The following IGSF11 variants were observed in gnomAD, a reference collection of about 807,000 sequenced individuals.
IGSF11 encodes the protein CXADR like 1.
A neutral mutation model predicts 41.0 loss-of-function variants in IGSF11; 22 were observed. That is an observed-to-expected ratio of 0.54 (90% confidence interval 0.38 to 0.77). The LOEUF is 0.77. Ranked by LOEUF, IGSF11 falls within the 30% of genes least tolerant of loss-of-function variation. IGSF11 has a pLI of 0.00. For missense variants in IGSF11, 444 were observed against 530.8 expected, an observed-to-expected ratio of 0.84 and a Z score of 1.61; for synonymous variants, 219 against 201.3, an observed-to-expected ratio of 1.09 and a Z score of -0.74.
Position 119,058,631 on chromosome 3 carries a change from C to T in IGSF11, c.49+46513G>A, listed in dbSNP as rs537994318. Among the ~76,000 whole-genome samples the T allele has an allele frequency of 9.2e-5, 14 of 151,828 alleles. No individual in the cohort carries two copies. The East Asian group carries it at 2.7e-3, about 29-fold the overall frequency. ...CAGCCATCCCATTGCTGGGTATGTA[C>T]CCAAAGGATTATAAATCATGCTGCT... On this transcript the variant is annotated intron_variant, in intron 1 of 6. Coordinates refer to the IGSF11 transcript ENST00000354673.
intron 1 of IGSF11, among the ~76,000 whole-genome samples, chr3:119,049,461 AAGG>A (rs1417868337): frequency 2.0e-5 from 3 of 152,220 alleles, no homozygotes; most frequent in Non-Finnish European, 2.9e-5. Flanking sequence ...GGACCTCTTC[AAGG>A]AGAACTACAA....
chr3:118,925,101 T>A (rs1158503177), intron 4 of IGSF11, among the ~76,000 whole-genome samples: 2 of 152,220 alleles, frequency 1.3e-5, no homozygotes, highest in East Asian at 1.9e-4. Context: ...AAGTTTTTTT[T>A]AAATGATGAA....
intron 1 of IGSF11, among the ~76,000 whole-genome samples, chr3:118,969,909 C>T (rs1933182873): frequency 6.6e-6 from 1 of 152,196 alleles, no homozygotes; most frequent in Admixed American, 6.5e-5. Flanking sequence ...CTTCCCTCAT[C>T]CTCCTCATCT....
intron 1 of IGSF11, among the ~76,000 whole-genome samples, chr3:118,996,892 C>T (rs567336815): frequency 6.6e-6 from 1 of 152,154 alleles, no homozygotes; most frequent in Non-Finnish European, 1.5e-5. Flanking sequence ...AGCCACCGCG[C>T]CTGGCCGAGA....
At chr3:118,955,857 C>A (rs1373241923) in intron 1 of IGSF11, among the ~76,000 whole-genome samples, 2 of 152,104 alleles carry the variant, frequency 1.3e-5, no homozygotes, top group Non-Finnish European at 2.9e-5. Context: ...TCCTTTGAAC[C>A]TTTGGATCCA....
At chr3:118,966,363 G>C (rs1436042732) in intron 1 of IGSF11, among the ~76,000 whole-genome samples, 1 of 152,086 alleles carries the variant, frequency 6.6e-6, no homozygotes, top group Non-Finnish European at 1.5e-5. Context: ...CTCTTTTGTG[G>C]CAGAACTGAG....
chr3:118,916,669 C>T (rs1439387668), intron 4 of IGSF11, among the ~76,000 whole-genome samples: 1 of 151,752 alleles, frequency 6.6e-6, no homozygotes, highest in African/African-American at 2.4e-5. Flanking sequence ...GAGACTTTAA[C>T]ACCCCACTGT....
chr3:118,936,138 A>G (rs911395147), intron 1 of IGSF11, among the ~76,000 whole-genome samples: 6 of 152,092 alleles, frequency 3.9e-5, no homozygotes, highest in Non-Finnish European at 8.8e-5. Context: ...CAAAAACTCT[A>G]TTTCCTCTTA....
chr3:119,009,434 T>C (rs1937831088), intron 1 of IGSF11, among the ~76,000 whole-genome samples: 1 of 152,140 alleles, frequency 6.6e-6, no homozygotes. Context: ...GTTTCCCCCA[T>C]GCTGTTCTCA....
intron 1 of IGSF11, among the ~76,000 whole-genome samples, chr3:119,141,104 TCAA>T (rs557679073): frequency 5.0e-4 from 64 of 128,204 alleles, no homozygotes; most frequent in Non-Finnish European, 8.1e-4. Context: ...AAAAGATAAA[TCAA>T]CAGAAAAAAT....
chr3:118,985,241 T>C (rs1315608941), intron 1 of IGSF11, among the ~76,000 whole-genome samples: 2 of 152,100 alleles, frequency 1.3e-5, no homozygotes, highest in African/African-American at 4.8e-5. Flanking sequence ...AAAGGCACTA[T>C]GGGAATTGAA....
chr3:118,914,440 C>A (rs1006999228), intron 4 of IGSF11, among the ~76,000 whole-genome samples: 1 of 151,262 alleles, frequency 6.6e-6, no homozygotes, highest in Non-Finnish European at 1.5e-5. Flanking sequence ...ATTGCCTCAC[C>A]TGGGAAGCGC....
chr3:119,035,247 T>C (rs575786311), upstream of IGSF11, among the ~76,000 whole-genome samples: 5 of 152,364 alleles, frequency 3.3e-5, no homozygotes, highest in South Asian at 1.0e-3. Flanking sequence ...CTGTTGCAGT[T>C]TTCGGATAAT....
intron 1 of IGSF11, among the ~76,000 whole-genome samples, chr3:119,136,084 G>T (rs990453086): frequency 6.6e-6 from 1 of 152,140 alleles, no homozygotes; most frequent in Middle Eastern, 3.2e-3. Context: ...GCTGGGGTAG[G>T]GATAGCATTA....
chr3:119,124,179 A>G (rs1313594511), intron 1 of IGSF11, among the ~76,000 whole-genome samples: 3 of 152,108 alleles, frequency 2.0e-5, no homozygotes, highest in Non-Finnish European at 4.4e-5. Flanking sequence ...TATCACATAA[A>G]TTTAACAAAG....
intron 4 of IGSF11, among the ~76,000 whole-genome samples, chr3:118,917,080 G>C (rs1474667510): frequency 3.9e-5 from 6 of 152,062 alleles, no homozygotes; most frequent in South Asian, 2.1e-4. Flanking sequence ...ACACAACATA[G>C]CAGAATCTCT....
At chr3:118,954,609 T>C (rs535774737) in intron 1 of IGSF11, among the ~76,000 whole-genome samples, 2 of 152,256 alleles carry the variant, frequency 1.3e-5, no homozygotes, top group South Asian at 2.1e-4. Context: ...TCAGTGGACT[T>C]TGCCCTGATC....
At chr3:118,996,841 C>T (rs1456373106) in intron 1 of IGSF11, among the ~76,000 whole-genome samples, 1 of 152,054 alleles carries the variant, frequency 6.6e-6, no homozygotes, top group Non-Finnish European at 1.5e-5. Flanking sequence ...CCTTGTGATC[C>T]GCCTGCCTCG....
At chr3:118,994,829 G>A (rs1333774763) in intron 1 of IGSF11, among the ~76,000 whole-genome samples, 1 of 152,146 alleles carries the variant, frequency 6.6e-6, no homozygotes, top group East Asian at 1.9e-4. Context: ...TTTTATCTCA[G>A]TATGACCCAC....
Sources: gnomAD v4.1 joint callset for allele counts (sites outside exome capture counted in the v4.1 genomes callset) on GRCh38, gnomAD v4.1.1 for gene constraint, MANE v1.5 for transcripts, NCBI Gene and HGNC (gene_info 2026-07-23, HGNC 2026-07-21) for gene names.